Variants in MEMO1 observed in about 807,000 individuals in gnomAD.
The protein encoded by MEMO1 is protein MEMO1.
Under a neutral mutation model 45.2 loss-of-function variants are expected in MEMO1, and 6 were observed. That is an observed-to-expected ratio of 0.13 (90% CI 0.07 to 0.26). The LOEUF is 0.26. Among genes scored for constraint, MEMO1 ranks in the 10% least tolerant of loss-of-function variants. The pLI is 1.00. For synonymous variants in MEMO1, 78 were observed against 124.3 expected (o/e 0.63, Z 2.48); for missense variants, 184 against 370.5 (o/e 0.50, Z 4.13).
At chr2:31,875,044 T>G (rs931219919) in intron 8 of MEMO1, among the ~76,000 whole-genome samples, 2 of 151,908 alleles carry the variant, frequency 1.3e-5, no homozygotes, top group Admixed American at 1.3e-4. Context: ...GAATCAACAA[T>G]ATACTAATAA....
chr2:31,905,496 A>C (rs1039346987), intron 6 of MEMO1, among the ~76,000 whole-genome samples: 2 of 152,224 alleles, frequency 1.3e-5, no homozygotes, highest in Non-Finnish European at 1.5e-5. Flanking sequence ...TACTTCAGGT[A>C]CTAGAGAGCC....
chr2:31,893,251 T>C, intron 6 of MEMO1: 1 of 974,104 alleles, frequency 1.0e-6, no homozygotes, highest in Non-Finnish European at 1.3e-6. Context: ...CCCTGTCAAT[T>C]GCGAAATAAA....
chr2:31,971,536 C>G (rs1335087989), intron 2 of MEMO1, among the ~76,000 whole-genome samples: 2 of 152,158 alleles, frequency 1.3e-5, no homozygotes, highest in East Asian at 1.9e-4. Context: ...AGCCTAAACC[C>G]TTTATTTTTT....
chr2:31,923,314 G>T (rs944971764), intron 4 of MEMO1, among the ~76,000 whole-genome samples: 4 of 152,014 alleles, frequency 2.6e-5, no homozygotes, highest in Non-Finnish European at 5.9e-5. Context: ...TTTTCAACTG[G>T]ATTGTTTCTT....
chr2:31,936,301 T>C (rs1028551521), intron 3 of MEMO1, among the ~76,000 whole-genome samples: 1 of 152,148 alleles, frequency 6.6e-6, no homozygotes, highest in Non-Finnish European at 1.5e-5. Context: ...AAGTCCTTAA[T>C]GCAAAAAGCC....
At chr2:31,943,132 G>C (rs1335400852) in intron 3 of MEMO1, among the ~76,000 whole-genome samples, 170 bp downstream of exon 3, 1 of 152,114 alleles carries the variant, frequency 6.6e-6, no homozygotes, top group Non-Finnish European at 1.5e-5. Flanking sequence ...AGGTGTGGTG[G>C]CACACGCCTG....
intron 4 of MEMO1, among the ~76,000 whole-genome samples, chr2:31,929,180 T>C (rs1047907012): frequency 1.3e-5 from 2 of 152,130 alleles, no homozygotes; most frequent in African/African-American, 4.8e-5. Context: ...TTATTTCCAT[T>C]TTTTTGAAAA....
At chr2:31,971,359 C>T (rs1485071985) in intron 2 of MEMO1, among the ~76,000 whole-genome samples, 3 of 151,824 alleles carry the variant, frequency 2.0e-5, no homozygotes, top group Non-Finnish European at 4.4e-5. Flanking sequence ...GTGATCCTCC[C>T]AACTCAGCCT....
chr2:32,006,414 T>C (rs1258668726), intron 2 of MEMO1, among the ~76,000 whole-genome samples: 2 of 152,166 alleles, frequency 1.3e-5, no homozygotes, highest in Non-Finnish European at 2.9e-5. Context: ...AGATCAAACT[T>C]TGACAACCAC....
chr2:31,896,978 T>C (rs1677927728), intron 6 of MEMO1, among the ~76,000 whole-genome samples: 1 of 152,196 alleles, frequency 6.6e-6, no homozygotes, highest in Admixed American at 6.5e-5. Flanking sequence ...TTTTATTCTC[T>C]TTGTAGCAAT....
rs1308270056 is a variant in MEMO1, at chr2:31,941,727, G to A, written c.143+1575C>T. On this transcript the variant is annotated intron_variant, in intron 3 of 9. Coordinates refer to ENST00000404530, the MANE Select transcript of MEMO1 (RefSeq NM_001301833.4). ...ATTATTCCAGCTTTACCAATGAGGA[G>A]CTGAAATCCCAACAGATAAAAAAGT... Among the ~76,000 whole-genome samples the A allele has an allele frequency of 3.3e-5, 5 of 152,172 alleles. 2 individuals carry two copies. The highest frequency in any genetic ancestry group is 3.3e-4 in the Admixed American group (5 of 15,282).
intron 6 of MEMO1, among the ~76,000 whole-genome samples, chr2:31,894,574 G>C (rs1677461566): frequency 6.6e-6 from 1 of 152,086 alleles, no homozygotes; most frequent in Non-Finnish European, 1.5e-5. Flanking sequence ...GGCTGACTAG[G>C]AGGCTGCACG....
intron 4 of MEMO1, chr2:31,923,872 G>T: frequency 9.1e-7 from 1 of 1,098,590 alleles, no homozygotes; most frequent in Non-Finnish European, 1.2e-6. Context: ...AAACACCAGA[G>T]GTCTGCTGGA....
At chr2:31,997,300 A>C (rs1477494870) in intron 2 of MEMO1, among the ~76,000 whole-genome samples, 1 of 152,204 alleles carries the variant, frequency 6.6e-6, no homozygotes, top group African/African-American at 2.4e-5. Context: ...AACCTGAAGA[A>C]AAGACACACT....
intron 8 of MEMO1, 56 bp downstream of exon 8, chr2:31,883,330 T>C: frequency 5.9e-6 from 7 of 1,182,460 alleles, no homozygotes; most frequent in Admixed American, 2.6e-5. Flanking sequence ...GAATTACTAA[T>C]CTGAAATTAA....
intron 4 of MEMO1, chr2:31,923,688 A>C (rs1231299586): frequency 1.3e-6 from 2 of 1,548,620 alleles, no homozygotes; most frequent in Non-Finnish European, 8.7e-7. Context: ...GAAAATATGA[A>C]AAGACAGAGA....
intron 2 of MEMO1, among the ~76,000 whole-genome samples, chr2:31,971,892 C>T (rs1053003418): frequency 3.3e-5 from 5 of 152,072 alleles, no homozygotes; most frequent in African/African-American, 4.8e-5. Flanking sequence ...ATTGCTTGAG[C>T]CCAGGAGGCA....
chr2:31,992,569 A>G (rs1672076908), intron 2 of MEMO1, among the ~76,000 whole-genome samples: 1 of 152,236 alleles, frequency 6.6e-6, no homozygotes, highest in African/African-American at 2.4e-5. Context: ...GGATCACCTG[A>G]GTTCAGGAGT....
intron 4 of MEMO1, among the ~76,000 whole-genome samples, chr2:31,926,164 C>T (rs1257760656): frequency 6.6e-6 from 1 of 151,520 alleles, no homozygotes; most frequent in Non-Finnish European, 1.5e-5. Context: ...GCCAGGAGTT[C>T]AAGACCAGCC....
Sources: gnomAD v4.1 joint callset for allele counts (sites outside exome capture counted in the v4.1 genomes callset) on GRCh38, gnomAD v4.1.1 for gene constraint, MANE v1.5 for transcripts, NCBI Gene and HGNC (gene_info 2026-07-23, HGNC 2026-07-21) for gene names.